RYR3: variants seen among roughly 807,000 people sequenced by gnomAD.
RYR3 encodes ryanodine receptor 3.
A neutral mutation model predicts 584.3 loss-of-function variants in RYR3; 207 were observed. The ratio of observed to expected loss-of-function variants is 0.35; its 90% CI spans 0.32 to 0.40. The LOEUF (loss-of-function observed/expected upper bound fraction) is 0.40. RYR3 is among the 10% of genes least tolerant of loss of function. RYR3 has a pLI of 1.00. For missense variants in RYR3, 5,616 were observed against 6,089.2 expected (o/e 0.92, Z 2.59); for synonymous variants, 2,416 against 2,248.5 (o/e 1.07, Z -2.11).
intron 73 of RYR3, 35 bp downstream of exon 73, chr15:33,813,029 G>T: frequency 3.1e-6 from 5 of 1,613,018 alleles, no homozygotes; most frequent in Non-Finnish European, 4.2e-6. Flanking sequence ...TGGGGAAGCA[G>T]AAACACCCTG....
In RYR3 at chr15:33,510,371, G is replaced by A. The variant is rs141862880; in HGVS notation, c.279+6633G>A. Among the ~76,000 whole-genome samples, 406 of 152,254 alleles carry A rather than the reference G, an allele frequency of 2.7e-3. 3 individuals are homozygous for A. Among genetic ancestry groups the A allele is most frequent in the African/African-American group, 9.5e-3 (394 of 41,558 alleles). On this transcript the variant is annotated intron_variant, in intron 3 of 103. Transcript: ENST00000634891. ...AGTTAAACTGGAAAAGTGTCATCAC[G>A]TCACTTCCTCTGGTGTGTCCTGTGG...
At chr15:33,542,624 A>G (rs985295180) in intron 7 of RYR3, among the ~76,000 whole-genome samples, 1 of 152,166 alleles carries the variant, frequency 6.6e-6, no homozygotes, top group Middle Eastern at 3.2e-3. Flanking sequence ...AAATTCACTA[A>G]TAATACCCTT....
chr15:33,658,283 A>C (rs1257541475), intron 32 of RYR3, among the ~76,000 whole-genome samples: 1 of 152,184 alleles, frequency 6.6e-6, no homozygotes, highest in Non-Finnish European at 1.5e-5. Flanking sequence ...TCCTGTTTTC[A>C]TGCTGGCTGC....
intron 1 of RYR3, among the ~76,000 whole-genome samples, chr15:33,384,196 G>C (rs188143096): frequency 6.6e-6 from 1 of 152,192 alleles, no homozygotes; most frequent in Non-Finnish European, 1.5e-5. Context: ...GACCCAGACC[G>C]AGGAAAGATG....
Position 33,838,996 on chromosome 15 carries a change from C to A in RYR3, c.12978+38C>A, listed in dbSNP as rs765888303. 26 of 1,571,000 alleles carry A rather than the reference C, an allele frequency of 1.7e-5. No individual in the cohort carries two copies. In the Admixed American group the frequency reaches 2.6e-4, roughly 15 times the overall value. ...TGTTTCTTTCATCTTCCTTTATCCC[C>A]AGAATAAGACTTGCCACCATATCTT... On this transcript the variant is annotated intron_variant, in intron 89 of 103. Coordinates refer to ENST00000634891, the MANE Select transcript of RYR3 (RefSeq NM_001036.6).
chr15:33,837,490 C>A, intron 88 of RYR3, 141 bp from the exon 89 acceptor site: 1 of 881,380 alleles, frequency 1.1e-6, no homozygotes, highest in Non-Finnish European at 1.7e-6. Flanking sequence ...TTATGGCTTG[C>A]TGCTCCCTCC....
chr15:33,350,168 G>A (rs968452123), intron 1 of RYR3, among the ~76,000 whole-genome samples: 19 of 152,118 alleles, frequency 1.2e-4, no homozygotes, highest in African/African-American at 3.6e-4. Context: ...AGGAATTGCC[G>A]CTACATAATG....
chr15:33,565,320 G>A (rs759473181), intron 11 of RYR3, among the ~76,000 whole-genome samples: 1 of 152,194 alleles, frequency 6.6e-6, no homozygotes, highest in Non-Finnish European at 1.5e-5. Flanking sequence ...CAGTTGCTCA[G>A]ATGTTCTCAC....
Position 33,755,168 on chromosome 15 carries a change from A to G in RYR3, c.8503A>G (p.Ile2835Val). ...LKYVDSAQEF[I>V]AHLEAIVSSG... Reference sequence around the variant, plus strand: ...ATACGTTGATTCTGCTCAAGAATTTATTGCCCATTTAGGTAAGTATCATCA... The same window carrying G: ...ATACGTTGATTCTGCTCAAGAATTTGTTGCCCATTTAGGTAAGTATCATCA... The change falls in exon 58 of 104, where the codon ATT becomes GTT. Residue 2835 changes from isoleucine to valine, a missense_variant. By Grantham distance (29) the Ile-to-Val change is conservative. This residue lies in a region of RYR3 where 1,280 missense variants were observed against 1,426.2 expected (regional missense o/e 0.90). Coordinates refer to ENST00000634891, the MANE Select transcript of RYR3 (RefSeq NM_001036.6). 1.3e-6 allele frequency: 2 copies of G among 1,597,712 alleles called. No homozygotes were observed. The highest frequency in any genetic ancestry group is 1.1e-5 in the South Asian group (1 of 90,192).
At chr15:33,338,097 A>C (rs1595765472) in intron 1 of RYR3, among the ~76,000 whole-genome samples, 1 of 152,066 alleles carries the variant, frequency 6.6e-6, no homozygotes, top group African/African-American at 2.4e-5. Context: ...GGCGCCCGCC[A>C]CCACGCCCGG....
rs773997020 is a variant in RYR3 at position 33,613,275 on chromosome 15, A to G, written c.2257A>G (p.Ile753Val). 2.5e-6 allele frequency: 4 copies of G among 1,613,952 alleles called. No homozygotes were observed. The highest frequency in any genetic ancestry group is 1.3e-5 in the African/African-American group (1 of 75,044). Residue 753 changes from isoleucine (I) to valine (V), a missense_variant, in exon 19 of 104, where the codon ATC (isoleucine) becomes GTC (valine). By Grantham distance (29) the Ile-to-Val change is conservative. Transcript: ENST00000634891. ...SCCLDLGVPS[I>V]SFRINGQPVQ... ...CTGCCTGGACCTCGGGGTGCCCAGC[A>G]TCTCATTCCGCATCAATGGGCAGCC...
At chr15:33,861,470 T>C (rs575656437) in intron 102 of RYR3, among the ~76,000 whole-genome samples, 106 of 135,392 alleles carry the variant, frequency 7.8e-4, no homozygotes, top group African/African-American at 2.5e-3. Flanking sequence ...TCTATCACCA[T>C]ATAAATATGC....
intron 1 of RYR3, among the ~76,000 whole-genome samples, chr15:33,413,738 G>A (rs554668089): frequency 2.1e-4 from 32 of 152,276 alleles, no homozygotes; most frequent in Admixed American, 2.0e-3. Flanking sequence ...TCAGCTCTGC[G>A]CTGTTTCTGG....
At chr15:33,676,230 C>G (rs116006089) in intron 38 of RYR3, among the ~76,000 whole-genome samples, 214 of 100,764 alleles carry the variant, frequency 2.1e-3, no homozygotes, top group African/African-American at 8.6e-3. Flanking sequence ...ATGTACGCTG[C>G]CTCTAGAAGG....
chr15:33,631,232 C>A lies in RYR3; in HGVS notation c.2806C>A (p.His936Asn), dbSNP rs1264207970. ...TLKTLLALGC[H>N]IAHVNPAAEE... The stretch of plus-strand genomic sequence containing the variant: ...CAGAACCCTCTTGGCCCTGGGGTGC[C>A]ACATTGCTCATGTTAACCCAGCTGC... The change falls in exon 23 of 104, where the codon CAC becomes AAC. Residue 936 changes from histidine to asparagine, a missense_variant. By Grantham distance (68) the His-to-Asn change is moderately conservative (BLOSUM62 1). Around this residue, in one of 9 missense-constraint regions of RYR3, gnomAD observed 1,284 missense variants for 1,344.6 expected, o/e 0.95. Transcript: ENST00000634891. 2 of 1,590,066 alleles carry A rather than the reference C, an allele frequency of 1.3e-6. No homozygotes were observed. The highest frequency in any genetic ancestry group is 2.7e-5 in the African/African-American group (2 of 74,656).
intron 58 of RYR3, among the ~76,000 whole-genome samples, chr15:33,755,552 G>A (rs112039034): frequency 0.02 from 3,018 of 152,242 alleles, 103 homozygotes; most frequent in African/African-American, 0.069. Flanking sequence ...AACCTGGGAG[G>A]CAGAGGTTGC....
chr15:33,832,429 C>A (rs1434668994), intron 86 of RYR3, among the ~76,000 whole-genome samples: 2 of 152,024 alleles, frequency 1.3e-5, no homozygotes, highest in Non-Finnish European at 2.9e-5. Flanking sequence ...CCAAGGTGGG[C>A]AGATCACCTG....
At chr15:33,733,096 C>A (rs909698972) in intron 48 of RYR3, among the ~76,000 whole-genome samples, 1 of 152,216 alleles carries the variant, frequency 6.6e-6, no homozygotes, top group Non-Finnish European at 1.5e-5. Flanking sequence ...CTGACAACAC[C>A]AAATGCTGGC....
At chr15:33,804,918 A>G (rs573428193) in intron 69 of RYR3, among the ~76,000 whole-genome samples, 6 of 152,328 alleles carry the variant, frequency 3.9e-5, no homozygotes, top group African/African-American at 1.4e-4. Flanking sequence ...CACACACCAC[A>G]TATGCCGTTG....
Sources: allele counts gnomAD v4.1 joint callset (sites outside exome capture counted in the v4.1 genomes callset), GRCh38; gene constraint gnomAD v4.1.1; regional missense constraint gnomAD v4.1.1; transcripts MANE v1.5; gene names NCBI Gene and HGNC (gene_info 2026-07-23, HGNC 2026-07-21).